The following LRP1B variants were observed in gnomAD, a reference collection of about 807,000 sequenced individuals.
LRP1B encodes LDL receptor related protein 1B.
LRP1B carries 217 observed loss-of-function variants against 556.6 expected under a neutral mutation model. That is an observed-to-expected ratio of 0.39 (90% CI 0.35 to 0.44). The LOEUF (loss-of-function observed/expected upper bound fraction) is 0.44, where lower values mean the gene tolerates loss of function less well. Among genes scored for constraint, LRP1B ranks in the 20% least tolerant of loss-of-function variants. The pLI, the probability that LRP1B is intolerant of heterozygous loss-of-function variation, is 1.00. For missense variants in LRP1B, 5,053 were observed against 5,620.8 expected (o/e 0.90, Z 3.23); for synonymous variants, 2,047 against 1,865.8 (o/e 1.10, Z -2.50).
intron 58 of LRP1B, among the ~76,000 whole-genome samples, chr2:140,487,216 A>G (rs79084636): frequency 0.057 from 8,589 of 151,910 alleles, 304 homozygotes; most frequent in African/African-American, 0.08. Context: ...AGTTTTAACA[A>G]TATCATAATT....
At chr2:141,100,194 T>C (rs570223118) in intron 7 of LRP1B, among the ~76,000 whole-genome samples, 9 of 152,146 alleles carry the variant, frequency 5.9e-5, no homozygotes, top group African/African-American at 1.9e-4. Context: ...AAGAAATCCT[T>C]AGTACTAACA....
intron 41 of LRP1B, among the ~76,000 whole-genome samples, chr2:140,698,038 G>A (rs576664569): frequency 6.6e-6 from 1 of 151,760 alleles, no homozygotes; most frequent in East Asian, 1.9e-4. Context: ...TGTATGATGT[G>A]TAAACTATAC....
intron 16 of LRP1B, among the ~76,000 whole-genome samples, chr2:140,991,516 T>C (rs1400307652): frequency 2.0e-5 from 3 of 152,100 alleles, no homozygotes. Context: ...GCTTATTGCC[T>C]CACTTATCTA....
chr2:141,024,495 G>A (rs964922161), intron 11 of LRP1B, among the ~76,000 whole-genome samples: 10 of 152,004 alleles, frequency 6.6e-5, no homozygotes, highest in African/African-American at 2.4e-4. Context: ...AGGGGATACA[G>A]ATCATCACTC....
At chr2:140,624,679 C>T (rs1372956472) in intron 41 of LRP1B, among the ~76,000 whole-genome samples, 2 of 151,972 alleles carry the variant, frequency 1.3e-5, no homozygotes, top group Non-Finnish European at 2.9e-5. Context: ...AGCATAAGAC[C>T]CTGTTGTTGT....
rs527724029 is a variant in LRP1B at position 141,950,435 on chromosome 2, A to G, written c.83-140034T>C. Among the ~76,000 whole-genome samples the G allele has an allele frequency of 2.0e-5, 3 of 152,256 alleles. No homozygotes were observed. In the South Asian group the frequency reaches 6.2e-4, roughly 32 times the overall value. ...CAGCAAGTAGCTTATGTTCCATGGAATCCAGTGATTACTAGCTAAGGAAGG... is the reference window on the plus strand; with the variant it reads ...CAGCAAGTAGCTTATGTTCCATGGAGTCCAGTGATTACTAGCTAAGGAAGG... On this transcript the variant is annotated intron_variant, in intron 1 of 90. Transcript: ENST00000389484.
intron 41 of LRP1B, among the ~76,000 whole-genome samples, chr2:140,669,780 T>C (rs546602176): frequency 1.3e-5 from 2 of 152,256 alleles, no homozygotes; most frequent in East Asian, 3.9e-4. Context: ...GGAATTTTTG[T>C]CCTAAAAATT....
intron 1 of LRP1B, among the ~76,000 whole-genome samples, chr2:141,892,290 G>T (rs1699315062): frequency 6.6e-6 from 1 of 151,740 alleles, no homozygotes; most frequent in Non-Finnish European, 1.5e-5. Context: ...GCATATTTGG[G>T]ATCCAATATT....
chr2:141,160,190 T>C (rs1679949100), intron 7 of LRP1B, among the ~76,000 whole-genome samples: 1 of 152,106 alleles, frequency 6.6e-6, no homozygotes, highest in Non-Finnish European at 1.5e-5. Flanking sequence ...CATTGGGACA[T>C]GAAAATTAAA....
At chr2:141,135,624 T>C (rs1408060621) in intron 7 of LRP1B, among the ~76,000 whole-genome samples, 1 of 151,968 alleles carries the variant, frequency 6.6e-6, no homozygotes, top group East Asian at 1.9e-4. Flanking sequence ...TTTATAAAAC[T>C]GGTACTGTGG....
intron 43 of LRP1B, among the ~76,000 whole-genome samples, chr2:140,595,231 A>G (rs1414527088): frequency 1.3e-5 from 2 of 151,134 alleles, no homozygotes; most frequent in Admixed American, 6.6e-5. Context: ...AACAATTGAC[A>G]ATGCTTTCAT....
intron 1 of LRP1B, among the ~76,000 whole-genome samples, chr2:142,112,716 A>G (rs1367191337): frequency 6.6e-6 from 1 of 152,102 alleles, no homozygotes; most frequent in Non-Finnish European, 1.5e-5. Context: ...TCTTCTCCCC[A>G]GGATTCTATC....
At chr2:141,764,411 T>C (rs1200622846) in intron 2 of LRP1B, among the ~76,000 whole-genome samples, 5 of 152,160 alleles carry the variant, frequency 3.3e-5, no homozygotes, top group East Asian at 1.9e-4. Flanking sequence ...CTTGATCTCC[T>C]GACCTCGTGA....
At chr2:140,415,149 G>T (rs1962475) in intron 66 of LRP1B, among the ~76,000 whole-genome samples, 36,574 of 151,842 alleles carry the variant, frequency 0.24, 4,529 homozygotes, top group East Asian at 0.36. Flanking sequence ...GGGTCAGACC[G>T]GTTCTCTGCT....
chr2:141,102,777 T>C (rs1035106599), intron 7 of LRP1B, among the ~76,000 whole-genome samples: 4 of 152,122 alleles, frequency 2.6e-5, no homozygotes, highest in African/African-American at 9.7e-5. Context: ...TACTATTTTA[T>C]ATACTTGAAC....
intron 45 of LRP1B, among the ~76,000 whole-genome samples, chr2:140,540,610 G>T (rs1370837331): frequency 6.6e-6 from 1 of 152,032 alleles, no homozygotes; most frequent in African/African-American, 2.4e-5. Context: ...CTGATATACT[G>T]CCTGTATACC....
At chr2:141,502,036 G>A (rs1334711900) in intron 2 of LRP1B, among the ~76,000 whole-genome samples, 1 of 152,002 alleles carries the variant, frequency 6.6e-6, no homozygotes, top group African/African-American at 2.4e-5. Context: ...AACAACAGAT[G>A]GGAAATACTT....
intron 1 of LRP1B, among the ~76,000 whole-genome samples, chr2:141,826,889 T>A (rs1022122915): frequency 6.6e-6 from 1 of 152,200 alleles, no homozygotes; most frequent in Non-Finnish European, 1.5e-5. Flanking sequence ...ATTTATTTTT[T>A]AAAATCTTTA....
intron 1 of LRP1B, among the ~76,000 whole-genome samples, chr2:141,925,881 T>C (rs1026188592): frequency 6.6e-6 from 1 of 152,134 alleles, no homozygotes; most frequent in African/African-American, 2.4e-5. Context: ...AGGATGGCCT[T>C]AGCAAAGTAC....
Sources: allele counts gnomAD v4.1 joint callset (sites outside exome capture counted in the v4.1 genomes callset), GRCh38; gene constraint gnomAD v4.1.1; transcripts MANE v1.5; gene names NCBI Gene and HGNC (gene_info 2026-07-23, HGNC 2026-07-21).